Variants in SOX6 observed in about 807,000 individuals in gnomAD.
The protein encoded by SOX6 is SRY-box transcription factor 6, also known as transcription factor SOX-6.
SOX6 carries 11 observed loss-of-function variants against 97.8 expected under a neutral mutation model. The observed-to-expected ratio is 0.11, with a 90% CI of 0.07 to 0.19. The LOEUF is 0.19. Among genes scored for constraint, SOX6 ranks in the 10% least tolerant of loss-of-function variants. SOX6 has a pLI of 1.00. For synonymous variants in SOX6, 360 were observed against 371.4 expected (o/e 0.97, Z 0.35); for missense variants, 810 against 1,039.5 (o/e 0.78, Z 3.04).
At chr11:16,465,014 TTTAAC>T (rs905975579) in intron 1 of SOX6, among the ~76,000 whole-genome samples, 1 of 152,220 alleles carries the variant, frequency 6.6e-6, no homozygotes, top group African/African-American at 2.4e-5. Context: ...TCATTTACTG[TTTAAC>T]TTATCTCTCT....
rs1296079955 is a variant in SOX6 at position 15,967,809 on chromosome 11, T to C, written c.*5000A>G. 6.6e-6 allele frequency: 1 copy of C among 152,140 alleles called. No homozygotes were observed. Among genetic ancestry groups the C allele is most frequent in the African/African-American group, 2.4e-5 (1 of 41,430 alleles). 9.4% of individuals were successfully genotyped at this position (152,140 alleles called of 1,614,324 possible). ...ATAAGAAACTACTGAGCAAGATATG[T>C]CACTGAGTTTTCTTCAAGCGTTCAT... is the stretch of plus-strand genomic sequence containing the variant. On this transcript the variant is annotated 3_prime_UTR_variant, in exon 16 of 16. Transcript: ENST00000683767.
chr11:16,039,137 T>C (rs1855591466), intron 12 of SOX6, among the ~76,000 whole-genome samples: 1 of 152,160 alleles, frequency 6.6e-6, no homozygotes, highest in Admixed American at 6.6e-5. Flanking sequence ...AGCTTTACCC[T>C]ACTTACCTTA....
chr11:16,470,452 T>A (rs1484531571), intron 1 of SOX6, among the ~76,000 whole-genome samples: 1 of 152,200 alleles, frequency 6.6e-6, no homozygotes, highest in East Asian at 1.9e-4. Context: ...TTTGCTTCCC[T>A]AAAAATCTAT....
intron 4 of SOX6, among the ~76,000 whole-genome samples, chr11:16,566,781 A>G (rs1565182260): frequency 6.6e-6 from 1 of 152,246 alleles, no homozygotes; most frequent in Non-Finnish European, 1.5e-5. Flanking sequence ...ACTTTCTCCA[A>G]AATTAAACAC....
chr11:16,302,357 C>G (rs1228275042), intron 3 of SOX6, among the ~76,000 whole-genome samples: 2 of 152,098 alleles, frequency 1.3e-5, no homozygotes, highest in Non-Finnish European at 2.9e-5. Flanking sequence ...TCACACCAAA[C>G]TTCTTCACAT....
chr11:15,988,936 T>C (rs1255809192), intron 14 of SOX6, 61 bp downstream of exon 14: 1 of 1,498,422 alleles, frequency 6.7e-7, no homozygotes, highest in Non-Finnish European at 9.3e-7. Flanking sequence ...CTTCCCACCC[T>C]GGTGGCACTC....
chr11:16,029,189 A>T (rs1479021188), intron 12 of SOX6, among the ~76,000 whole-genome samples: 1 of 152,226 alleles, frequency 6.6e-6, no homozygotes, highest in Non-Finnish European at 1.5e-5. Context: ...TGAAATAAAA[A>T]CATCTCCAAG....
chr11:16,057,197 T>G (rs112346260), intron 9 of SOX6, among the ~76,000 whole-genome samples: 1,613 of 152,312 alleles, frequency 0.011, 26 homozygotes, highest in African/African-American at 0.037. Flanking sequence ...AAAGTTTCAC[T>G]TTCCTACATT....
At chr11:16,702,857 A>G (rs1451300904) in intron 3 of SOX6, among the ~76,000 whole-genome samples, 2 of 151,312 alleles carry the variant, frequency 1.3e-5, no homozygotes, top group African/African-American at 2.4e-5. Flanking sequence ...TTATATCCCA[A>G]TTGAAATGGT....
intron 1 of SOX6, among the ~76,000 whole-genome samples, chr11:16,383,228 T>C (rs1305055920): frequency 2.0e-5 from 3 of 152,060 alleles, no homozygotes; most frequent in Non-Finnish European, 1.5e-5. Flanking sequence ...TCCACACTTA[T>C]GTCACTACAT....
At chr11:16,076,560 A>T (rs1324913264) in intron 9 of SOX6, among the ~76,000 whole-genome samples, 1 of 151,948 alleles carries the variant, frequency 6.6e-6, no homozygotes, top group African/African-American at 2.4e-5. Context: ...AATACCTGAG[A>T]CTGAGTAATC....
intron 4 of SOX6, among the ~76,000 whole-genome samples, chr11:16,524,157 C>A (rs1354249936): frequency 6.6e-6 from 1 of 152,136 alleles, no homozygotes; most frequent in South Asian, 2.1e-4. Flanking sequence ...ATACCAAAGT[C>A]GGGCAGAGAC....
intron 3 of SOX6, among the ~76,000 whole-genome samples, chr11:16,663,283 A>C (rs529300117): frequency 6.6e-6 from 1 of 152,176 alleles, no homozygotes; most frequent in Admixed American, 6.5e-5. Context: ...TACATTTTTT[A>C]AAAAAGTAAA....
chr11:16,263,215 G>A (rs182640287), intron 3 of SOX6, among the ~76,000 whole-genome samples: 1 of 151,830 alleles, frequency 6.6e-6, no homozygotes, highest in African/African-American at 2.4e-5. Context: ...ACTCCAATGC[G>A]AGTTGAAATT....
chr11:16,437,764 A>C (rs1371953395), intron 1 of SOX6, among the ~76,000 whole-genome samples: 1 of 142,862 alleles, frequency 7.0e-6, no homozygotes. Flanking sequence ...AAAATTATTT[A>C]ACTTGTCTGT....
At chr11:16,165,224 T>C (rs944942411) in intron 6 of SOX6, among the ~76,000 whole-genome samples, 1 of 152,194 alleles carries the variant, frequency 6.6e-6, no homozygotes, top group African/African-American at 2.4e-5. Flanking sequence ...ACTTAATCTA[T>C]GATCAGTCAA....
At chr11:16,151,840 A>C (rs978462994) in intron 6 of SOX6, among the ~76,000 whole-genome samples, 2 of 152,202 alleles carry the variant, frequency 1.3e-5, no homozygotes, top group Non-Finnish European at 2.9e-5. Flanking sequence ...ACTTAAAATG[A>C]AGGTACAAAG....
chr11:16,575,393 A>T (rs1847972991), intron 4 of SOX6, among the ~76,000 whole-genome samples: 1 of 152,212 alleles, frequency 6.6e-6, no homozygotes, highest in Non-Finnish European at 1.5e-5. Context: ...ATTCCTGCAT[A>T]TATAGCCTAC....
chr11:16,358,277 A>T (rs1590155429), upstream of SOX6, among the ~76,000 whole-genome samples: 1 of 152,144 alleles, frequency 6.6e-6, no homozygotes, highest in Non-Finnish European at 1.5e-5. Context: ...ACATCCTTCC[A>T]CTCTGCCATT....
Sources: gnomAD v4.1 joint callset for allele counts (sites outside exome capture counted in the v4.1 genomes callset) on GRCh38, gnomAD v4.1.1 for gene constraint, MANE v1.5 for transcripts, NCBI Gene and HGNC (gene_info 2026-07-23, HGNC 2026-07-21) for gene names.